Variants in HEATR5A observed in about 807,000 individuals in gnomAD.
HEATR5A encodes the protein HEAT repeat containing 5A.
HEATR5A carries 178 observed loss-of-function variants against 218.8 expected under a neutral mutation model. That is an observed-to-expected ratio of 0.81 (90% CI 0.72 to 0.92). The LOEUF is 0.92. HEATR5A is among the 40% of genes least tolerant of loss of function. The pLI, the probability that HEATR5A is intolerant of heterozygous loss-of-function variation, is 0.00. For missense variants in HEATR5A, 2,420 were observed against 2,418.9 expected (o/e 1.00, Z -0.01); for synonymous variants, 864 against 871.6 (o/e 0.99, Z 0.15).
At chr14:31,334,600 TC>T in intron 22 of HEATR5A, 1 of 347,596 alleles carries the variant, frequency 2.9e-6, no homozygotes, top group South Asian at 2.2e-5. Flanking sequence ...TACAGAGTAA[TC>T]TTTCATGAAA....
At chr14:31,389,920 A>C (rs762394678) in intron 6 of HEATR5A, among the ~76,000 whole-genome samples, 1 of 152,208 alleles carries the variant, frequency 6.6e-6, no homozygotes, top group Non-Finnish European at 1.5e-5. Context: ...TATATTAAAC[A>C]GTGATTAAAA....
At position 31,332,751 on chromosome 14, in the gene HEATR5A, C is replaced by T. The variant is rs148241631; in HGVS notation, c.3367+4725G>A. Among the ~76,000 whole-genome samples the T allele has an allele frequency of 5.5e-3, 844 of 152,116 alleles. 8 individuals are homozygous for T. The highest frequency in any genetic ancestry group is 0.019 in the African/African-American group (787 of 41,518). ...CTGTAATCCCAGCACTTTGAGAGAC[C>T]GAGGTGGGCGGATCACCTAAGGTCA... On this transcript the variant is annotated intron_variant, in intron 22 of 35. Transcript: ENST00000543095.
chr14:31,344,131 T>C (rs1260895078), intron 20 of HEATR5A, 66 bp from the exon 21 acceptor site: 7 of 954,820 alleles, frequency 7.3e-6, no homozygotes, highest in Non-Finnish European at 1.0e-5. Flanking sequence ...AAACATATAT[T>C]ACAGGTTTTA....
Position 31,306,845 on chromosome 14 carries a change from C to G in HEATR5A, c.4853G>C (p.Arg1618Pro). The G allele has an allele frequency of 6.2e-7, 1 of 1,613,054 alleles. No individual in the cohort carries two copies. Among genetic ancestry groups the G allele is most frequent in the African/African-American group, 1.3e-5 (1 of 75,014 alleles). ...LGIELLNVLH[R>P]VILTRESPSI... ...AGGTGATTCTCTGGTTAAAATTACT[C>G]GATGTAGAACATTCAGCAATTCTAT... The change falls in exon 31 of 36, where the codon CGA becomes CCA. Residue 1618 changes from arginine to proline, a missense_variant. Transcript: ENST00000543095.
intron 1 of HEATR5A, among the ~76,000 whole-genome samples, chr14:31,405,204 C>T (rs189199424): frequency 3.2e-4 from 48 of 152,200 alleles, no homozygotes; most frequent in African/African-American, 1.1e-3. Flanking sequence ...GAAGCCAATG[C>T]AGGCAGATCA....
rs1331198690 is a variant in HEATR5A at position 31,394,170 on chromosome 14, A to G, written c.654T>C (p.Ser218=). ...AIFMWSTDLD[S]VATLCFKSFE... ...AGGACTTAAAACACAGTGTGGCCAC[A>G]CTGTCCAGGTCCGTACTCCACATAA... The change falls in exon 6 of 36, where the codon AGT becomes AGC. Residue 218 remains serine (S), a synonymous_variant. Coordinates refer to ENST00000543095, the MANE Select transcript of HEATR5A (RefSeq NM_015473.4). 2 of 1,534,812 alleles carry G rather than the reference A, an allele frequency of 1.3e-6. No homozygotes were observed. Among genetic ancestry groups the G allele is most frequent in the African/African-American group, 1.4e-5 (1 of 72,994 alleles).
intron 1 of HEATR5A, among the ~76,000 whole-genome samples, chr14:31,415,098 A>G (rs894788412): frequency 1.3e-5 from 2 of 152,180 alleles, no homozygotes; most frequent in African/African-American, 4.8e-5. Context: ...TTGGCCTCCC[A>G]AAGTGCTGGG....
At chr14:31,334,959 A>AG (rs1212291213) in intron 22 of HEATR5A, among the ~76,000 whole-genome samples, 2 of 151,124 alleles carry the variant, frequency 1.3e-5, no homozygotes, top group South Asian at 2.1e-4. Context: ...AAAAAAAAAA[A>AG]AAAAAAGAAA....
intron 25 of HEATR5A, 44 bp from the exon 26 acceptor site, chr14:31,318,336 C>A (rs1295362859): frequency 1.4e-6 from 2 of 1,402,616 alleles, no homozygotes; most frequent in Non-Finnish European, 2.0e-6. Flanking sequence ...AGAAGTAAGA[C>A]AGCACAAGTT....
intron 1 of HEATR5A, among the ~76,000 whole-genome samples, chr14:31,412,920 T>C (rs913354367): frequency 1.3e-5 from 2 of 152,210 alleles, no homozygotes; most frequent in South Asian, 4.1e-4. Context: ...CTTTCACATA[T>C]ACATCCTTTA....
At chr14:31,341,813 A>C (rs1900849398) in intron 21 of HEATR5A, among the ~76,000 whole-genome samples, 1 of 152,214 alleles carries the variant, frequency 6.6e-6, no homozygotes, top group Non-Finnish European at 1.5e-5. Context: ...ATAGGTAATT[A>C]ATGGAAATCT....
Position 31,309,179 on chromosome 14 carries a change from C to T in HEATR5A, c.4445G>A (p.Gly1482Asp). The change falls in exon 29 of 36, where the codon GGT (glycine) becomes GAT (aspartate). Residue 1482 changes from glycine to aspartate, a missense_variant. Coordinates refer to ENST00000543095, the MANE Select transcript of HEATR5A (RefSeq NM_015473.4). ...EFASQLPAEG[G>D]AFYTAETSEN... ...ACTAGTCTCTGCTGTGTAGAAAGCA[C>T]CACCTAAAGCAAACAGTTTCAGGAA... The T allele has an allele frequency of 6.2e-7, 1 of 1,607,260 alleles. No individual in the cohort carries two copies. The highest frequency in any genetic ancestry group is 1.1e-5 in the South Asian group (1 of 90,204).
chr14:31,345,172 A>G lies in HEATR5A; in HGVS notation c.2973T>C (p.Asn991=). 1 of 1,613,982 alleles carries G rather than the reference A, an allele frequency of 6.2e-7. No individual in the cohort carries two copies. Among genetic ancestry groups the G allele is most frequent in the South Asian group, 1.1e-5 (1 of 91,076 alleles). ...GAACTTCAGCATGAGTAGGAGGCAC[A>G]TTTAACAACAACATTATAATAAGAG... ...TLSLIIMLLL[N]VPPTHAEVHQ... Residue 991 remains asparagine, a synonymous_variant, in exon 20 of 36, where the codon AAT becomes AAC. Coordinates refer to ENST00000543095, the MANE Select transcript of HEATR5A (RefSeq NM_015473.4).
chr14:31,402,758 A>G lies in HEATR5A; in HGVS notation c.126+92T>C. On this transcript the variant is annotated intron_variant, in intron 2 of 35. Transcript: ENST00000543095. ...ACAAAGTCTAACATTGTAAAGCTAA[A>G]TTAGGTTATTCTGGAAAAAACTAGA... The G allele has an allele frequency of 4.1e-6, 5 of 1,209,004 alleles. No individual in the cohort carries two copies. In the East Asian group the frequency reaches 1.3e-4, roughly 31 times the overall value. The allele number at this position is 1,209,004 out of a possible 1,614,324, so 74.9% of individuals were successfully genotyped here. A position where few individuals can be genotyped will look rare whatever the true frequency, so the allele number is the denominator to read the frequency against.
intron 28 of HEATR5A, among the ~76,000 whole-genome samples, chr14:31,310,466 C>G (rs996503876): frequency 6.6e-6 from 1 of 152,086 alleles, no homozygotes; most frequent in African/African-American, 2.4e-5. Flanking sequence ...ATGGAGAAAC[C>G]CTGTCTCTAC....
chr14:31,302,481 T>C lies in HEATR5A; in HGVS notation c.5278A>G (p.Ile1760Val), dbSNP rs1452882998. The C allele has an allele frequency of 8.2e-6, 13 of 1,589,344 alleles. No homozygotes were observed. The highest frequency in any genetic ancestry group is 1.1e-5 in the South Asian group (1 of 87,196). ...ACAGCAGTCTCTCTGAGGACCCCGA[T>C]TGTGAGGTACAATATAGTAGGGAGA... ...SILPTILYLT[I>V]GVLRETAVKL... Residue 1760 changes from isoleucine (I) to valine (V), a missense_variant, in exon 33 of 36, where the codon ATC (isoleucine) becomes GTC (valine). Ile to Val is a conservative substitution (Grantham distance 29, BLOSUM62 3). Transcript: ENST00000543095.
At chr14:31,307,001 G>T in intron 30 of HEATR5A, 122 bp from the exon 31 acceptor site, 3 of 795,288 alleles carry the variant, frequency 3.8e-6, no homozygotes, top group Non-Finnish European at 5.7e-6. Flanking sequence ...TTGCTTTAGT[G>T]CAATAAAGTT....
rs2030827028 is a variant in HEATR5A at position 31,400,407 on chromosome 14, T to C, written c.232A>G (p.Ile78Val). ...AATGTGTCTCCAATACTATAAAGTA[T>C]GGCTAGATTCTTAGCAAGCAGTTTG... ...TRKLLAKNLA[I>V]LYSIGDTFSV... Residue 78 changes from isoleucine (I) to valine (V), a missense_variant, in exon 3 of 36, where the codon ATA (isoleucine) becomes GTA (valine). Ile to Val is a conservative substitution (Grantham distance 29). Coordinates refer to ENST00000543095, the MANE Select transcript of HEATR5A (RefSeq NM_015473.4). 2.0e-6 allele frequency: 3 copies of C among 1,535,840 alleles called. No individual in the cohort carries two copies. The highest frequency in any genetic ancestry group is 2.6e-6 in the Non-Finnish European group (3 of 1,146,730).
chr14:31,347,768 T>A lies in HEATR5A; in HGVS notation c.2848A>T (p.Ser950Cys), dbSNP rs768120089. 6.2e-7 allele frequency: 1 copy of A among 1,604,082 alleles called. No homozygotes were observed. ...IGILYTLAQD[S>C]TSPDVQTWAL... ...CCCACCTGCACATCAGGAGAAGTGC[T>A]GTCCTGCGCCAAAGTATAAAGGATT... The change falls in exon 19 of 36, where the codon AGC becomes TGC. Residue 950 changes from serine to cysteine, a missense_variant. Ser to Cys is a moderately radical substitution (Grantham distance 112). Transcript: ENST00000543095.
Sources: gnomAD v4.1 joint callset for allele counts (sites outside exome capture counted in the v4.1 genomes callset) on GRCh38, gnomAD v4.1.1 for gene constraint, MANE v1.5 for transcripts, NCBI Gene and HGNC (gene_info 2026-07-23, HGNC 2026-07-21) for gene names.